Variants in GK3 observed in about 807,000 individuals in gnomAD.
GK3 encodes the protein glycerol kinase 3 pseudogene.
At chr4:165,279,192 C>T in the GK3 span, 2 of 1,571,184 alleles carry the variant, frequency 1.3e-6, no homozygotes, top group African/African-American at 2.7e-5. Flanking sequence ...CGAAGTTTCA[C>T]TGCACTGAAG....
At chr4:165,279,629 T>C in the GK3 span, 1 of 1,611,464 alleles carries the variant, frequency 6.2e-7, no homozygotes. Context: ...CAAAACTGCC[T>C]TCTTTGAGGC....
the GK3 span, chr4:165,278,273 C>A: frequency 3.2e-5 from 34 of 1,069,968 alleles, no homozygotes; most frequent in Non-Finnish European, 4.7e-5. Context: ...CATGGCAGCA[C>A]CCAGTGCAGT....
the GK3 span, chr4:165,278,272 AC>A: frequency 9.3e-7 from 1 of 1,072,982 alleles, no homozygotes; most frequent in Non-Finnish European, 1.5e-6. Context: ...CCATGGCAGC[AC>A]CCAGTGCAGT....
chr4:165,278,509 T>G, the GK3 span: 15 of 1,604,636 alleles, frequency 9.3e-6, no homozygotes, highest in South Asian at 1.3e-4. Flanking sequence ...GTCCACAGAT[T>G]ATCCCTCTTG....
chr4:165,279,404 C>A, the GK3 span: 1 of 1,591,786 alleles, frequency 6.3e-7, no homozygotes, highest in Non-Finnish European at 8.6e-7. Flanking sequence ...GTTGGAAATA[C>A]CAATATTGAG....
the GK3 span, chr4:165,279,488 A>G: frequency 2.6e-5 from 41 of 1,582,008 alleles, no homozygotes; most frequent in Non-Finnish European, 3.6e-5. Flanking sequence ...GTCCTGTTCC[A>G]CCCATCCTTC....
chr4:165,278,813 G>A, the GK3 span: 9 of 1,548,306 alleles, frequency 5.8e-6, no homozygotes, highest in Middle Eastern at 1.7e-4. Context: ...TGTTCCATAC[G>A]TATTTTTGGC....
chr4:165,278,261 G>T, the GK3 span: 2 of 1,082,338 alleles, frequency 1.8e-6, no homozygotes, highest in Non-Finnish European at 2.9e-6. Flanking sequence ...AGCCCCTGCC[G>T]CCATGGCAGC....
the GK3 span, chr4:165,279,118 C>T: frequency 6.3e-7 from 1 of 1,599,546 alleles, no homozygotes; most frequent in East Asian, 2.2e-5. Flanking sequence ...AATCAATAGT[C>T]CCAAAAAGAG....
the GK3 span, chr4:165,277,858 G>C: frequency 1.3e-6 from 1 of 776,850 alleles, no homozygotes; most frequent in Non-Finnish European, 2.4e-6. Context: ...GGAGGGTCAC[G>C]CAGCAAGTGG....
chr4:165,279,688 G>C, the GK3 span: 1 of 1,537,740 alleles, frequency 6.5e-7, no homozygotes, highest in South Asian at 1.1e-5. Context: ...CCGGTTTCCT[G>C]GGTGACGGCG....
the GK3 span, chr4:165,279,356 G>A: frequency 6.3e-7 from 1 of 1,581,652 alleles, no homozygotes; most frequent in East Asian, 2.2e-5. Context: ...CCAGACTACG[G>A]TGGTTTCCCT....
At chr4:165,278,461 A>G in the GK3 span, 1 of 1,558,870 alleles carries the variant, frequency 6.4e-7, no homozygotes, top group Admixed American at 1.7e-5. Context: ...CTTCTAATGC[A>G]GCAAAAGCAA....
At chr4:165,278,638 A>C in the GK3 span, 1 of 1,592,972 alleles carries the variant, frequency 6.3e-7, no homozygotes. Flanking sequence ...TTATAATTCC[A>C]AGATTGTCTC....
the GK3 span, chr4:165,278,293 C>T: frequency 9.4e-7 from 1 of 1,065,026 alleles, no homozygotes; most frequent in Non-Finnish European, 1.5e-6. Context: ...TGGTTTCGGG[C>T]ATCAAGGGCT....
chr4:165,279,126 G>C, the GK3 span: 1 of 1,601,536 alleles, frequency 6.2e-7, no homozygotes, highest in Admixed American at 1.7e-5. Flanking sequence ...GTCCCAAAAA[G>C]AGCTCGTTTT....
At chr4:165,278,146 A>G in the GK3 span, 2 of 1,512,444 alleles carry the variant, frequency 1.3e-6, no homozygotes, top group Non-Finnish European at 9.2e-7. Flanking sequence ...TCCATGTAGA[A>G]TAACGAATTT....
the GK3 span, chr4:165,279,002 C>T: frequency 1.3e-6 from 2 of 1,496,942 alleles, no homozygotes; most frequent in Non-Finnish European, 1.9e-6. Flanking sequence ...TTGTTTATCC[C>T]ATTCCAAAGA....
At chr4:165,278,190 G>A in the GK3 span, 21 of 1,292,624 alleles carry the variant, frequency 1.6e-5, no homozygotes, top group South Asian at 3.6e-5. Flanking sequence ...GGTTCAAACC[G>A]CTCCATCGTG....
Sources: allele counts gnomAD v4.1 joint callset, GRCh38; gene constraint gnomAD v4.1.1; transcripts MANE v1.5; gene names NCBI Gene and HGNC (gene_info 2026-07-23, HGNC 2026-07-21).